The following LMO7 variants were observed in gnomAD, a reference collection of about 807,000 sequenced individuals.
LMO7 encodes the protein LIM domain 7.
A neutral mutation model predicts 206.5 loss-of-function variants in LMO7; 120 were observed. That is an observed-to-expected ratio of 0.58 (90% CI 0.50 to 0.68). The LOEUF is 0.68. Ranked by LOEUF, LMO7 falls within the 30% of genes least tolerant of loss-of-function variation. The probability of loss-of-function intolerance (pLI) is 0.00; values close to 1 mark genes in which losing one functional copy is unlikely to be tolerated. For missense variants in LMO7, 1,959 were observed against 1,957.9 expected, an observed-to-expected ratio of 1.00 and a Z score of -0.01; for synonymous variants, 706 against 681.5, an observed-to-expected ratio of 1.04 and a Z score of -0.56.
At chr13:75,768,975 A>G (rs2049266183) in intron 4 of LMO7, among the ~76,000 whole-genome samples, 1 of 152,146 alleles carries the variant, frequency 6.6e-6, no homozygotes. Flanking sequence ...TTAAAAAATT[A>G]TAAATAGCAA....
At chr13:75,660,996 A>G (rs149142127) in intron 1 of LMO7, among the ~76,000 whole-genome samples, 194 of 152,280 alleles carry the variant, frequency 1.3e-3, no homozygotes, top group African/African-American at 4.6e-3. Flanking sequence ...ATTTTGGCAA[A>G]TGTGTATTTT....
intron 4 of LMO7, among the ~76,000 whole-genome samples, chr13:75,779,980 G>A (rs563912735): frequency 8.8e-4 from 134 of 152,234 alleles, no homozygotes; most frequent in Non-Finnish European, 1.3e-3. Flanking sequence ...CCCCTGAGCC[G>A]CAAAACCAGC....
intron 3 of LMO7, among the ~76,000 whole-genome samples, chr13:75,748,992 A>AT (rs2047075516): frequency 6.6e-6 from 1 of 151,878 alleles, no homozygotes; most frequent in Non-Finnish European, 1.5e-5. Context: ...GTTTTTGTAG[A>AT]GATGAGGTCT....
intron 1 of LMO7, among the ~76,000 whole-genome samples, chr13:75,649,005 A>G (rs2037306152): frequency 6.6e-6 from 1 of 152,170 alleles, no homozygotes. Flanking sequence ...CCTGAATCAG[A>G]AAGTTGATGC....
intron 3 of LMO7, among the ~76,000 whole-genome samples, chr13:75,756,440 A>T (rs1169402304): frequency 6.6e-6 from 1 of 152,220 alleles, no homozygotes; most frequent in East Asian, 1.9e-4. Flanking sequence ...CTACATAGCC[A>T]CAAAGATAGG....
intron 1 of LMO7, among the ~76,000 whole-genome samples, chr13:75,708,303 A>T (rs1420987130): frequency 6.6e-6 from 1 of 152,216 alleles, no homozygotes; most frequent in Non-Finnish European, 1.5e-5. Context: ...GTCAGACTTC[A>T]GTTCTTTTTC....
rs1427207219 is a variant in LMO7, at chr13:75,783,204, G to A, written c.318-12197G>A. 2.0e-5 allele frequency among the ~76,000 whole-genome samples: 3 copies of A among 152,214 alleles called. No homozygotes were observed. In the East Asian group the frequency reaches 5.8e-4, roughly 29 times the overall value. ...AATGCATAAAAATGGCATCTAAAAT[G>A]TGTAATATTAGGTAATTGCTTAAAT... On this transcript the variant is annotated intron_variant, in intron 4 of 30. Transcript: ENST00000377534.
intron 11 of LMO7, among the ~76,000 whole-genome samples, chr13:75,811,208 CTTTTTT>C (rs764599899): frequency 4.6e-5 from 6 of 130,704 alleles, no homozygotes; most frequent in Admixed American, 7.9e-5. Context: ...TTTTCTTTCT[CTTTTTT>C]TTTTTTTTTT....
At chr13:75,817,887 A>G (rs1376180050) in intron 12 of LMO7, among the ~76,000 whole-genome samples, 1 of 151,958 alleles carries the variant, frequency 6.6e-6, no homozygotes, top group Non-Finnish European at 1.5e-5. Flanking sequence ...AAGCTTGACC[A>G]TTTTTTTTAA....
chr13:75,681,732 A>ATATATATATATATATATATG (rs1555293403), intron 1 of LMO7, among the ~76,000 whole-genome samples: 25 of 135,274 alleles, frequency 1.8e-4, no homozygotes, highest in African/African-American at 6.7e-4. Context: ...ATATATATAT[A>ATATATATATATATATATATG]TATATATATA....
upstream of LMO7, among the ~76,000 whole-genome samples, chr13:75,633,585 G>GT (rs1025863917): frequency 1.3e-5 from 2 of 152,066 alleles, no homozygotes; most frequent in Non-Finnish European, 2.9e-5. Context: ...AGACAGCCTG[G>GT]TTTTTTCAAT....
chr13:75,718,531 A>G (rs1318282769), intron 2 of LMO7, among the ~76,000 whole-genome samples: 1 of 152,204 alleles, frequency 6.6e-6, no homozygotes, highest in Non-Finnish European at 1.5e-5. Flanking sequence ...GGGAAGGTAC[A>G]GAAAGATCCC....
chr13:75,630,024 C>G (rs573526683), intron 2 of LMO7, among the ~76,000 whole-genome samples: 1 of 152,300 alleles, frequency 6.6e-6, no homozygotes, highest in South Asian at 2.1e-4. Context: ...TACAGATTCT[C>G]AAGTCCCTCA....
intron 1 of LMO7, among the ~76,000 whole-genome samples, chr13:75,680,336 G>A (rs1322319480): frequency 6.6e-6 from 1 of 152,116 alleles, no homozygotes; most frequent in African/African-American, 2.4e-5. Flanking sequence ...CTTTGCTATT[G>A]TAAACAGTGC....
intron 1 of LMO7, among the ~76,000 whole-genome samples, chr13:75,711,761 C>T (rs1036699422): frequency 6.6e-6 from 1 of 152,234 alleles, no homozygotes; most frequent in African/African-American, 2.4e-5. Flanking sequence ...CCACCCCCTA[C>T]ATTTTTCTTA....
At chr13:75,675,093 T>TC (rs1383615454) in intron 1 of LMO7, among the ~76,000 whole-genome samples, 4 of 151,888 alleles carry the variant, frequency 2.6e-5, no homozygotes, top group African/African-American at 7.3e-5. Flanking sequence ...CTTTTTTTTT[T>TC]TGAGATGAAA....
chr13:75,746,723 T>G (rs2046872464), intron 3 of LMO7, among the ~76,000 whole-genome samples: 1 of 152,126 alleles, frequency 6.6e-6, no homozygotes, highest in Admixed American at 6.5e-5. Flanking sequence ...TTTATTTATA[T>G]TTTATTCATT....
chr13:75,694,983 C>T (rs2041796624), intron 1 of LMO7, among the ~76,000 whole-genome samples: 1 of 152,134 alleles, frequency 6.6e-6, no homozygotes, highest in Non-Finnish European at 1.5e-5. Context: ...TGAGGAGCCT[C>T]CGGATTAACC....
intron 4 of LMO7, among the ~76,000 whole-genome samples, chr13:75,779,613 G>A (rs2051012789): frequency 1.3e-5 from 2 of 152,260 alleles, no homozygotes; most frequent in South Asian, 4.1e-4. Context: ...GAAATTCCAA[G>A]TGTTATATGG....
Sources: gnomAD v4.1 joint callset for allele counts (sites outside exome capture counted in the v4.1 genomes callset) on GRCh38, gnomAD v4.1.1 for gene constraint, MANE v1.5 for transcripts, NCBI Gene and HGNC (gene_info 2026-07-23, HGNC 2026-07-21) for gene names.